KCNC2: variants seen among roughly 807,000 people sequenced by gnomAD.
KCNC2 encodes voltage-gated potassium channel KCNC2.
In KCNC2, 21 loss-of-function variants were observed where a neutral mutation model predicts 44.5. The ratio of observed to expected loss-of-function variants is 0.47; its 90% CI spans 0.33 to 0.68. The LOEUF (loss-of-function observed/expected upper bound fraction) is 0.68. Ranked by LOEUF, KCNC2 falls within the 30% of genes least tolerant of loss-of-function variation. KCNC2 has a pLI of 0.01. For missense variants in KCNC2, 589 were observed against 826.2 expected, an observed-to-expected ratio of 0.71 and a Z score of 3.52; for synonymous variants, 391 against 339.1, an observed-to-expected ratio of 1.15 and a Z score of -1.68.
chr12:75,091,567 G>A (rs1885478362), intron 2 of KCNC2, among the ~76,000 whole-genome samples: 1 of 151,706 alleles, frequency 6.6e-6, no homozygotes, highest in Admixed American at 6.6e-5. Context: ...AACCTAGCGG[G>A]AAAGTTGGGT....
intron 2 of KCNC2, among the ~76,000 whole-genome samples, chr12:75,192,659 G>T (rs1331455335): frequency 6.6e-6 from 1 of 152,192 alleles, no homozygotes; most frequent in African/African-American, 2.4e-5. Context: ...TTCTCAGTAG[G>T]ATTGTGTATG....
intron 2 of KCNC2, among the ~76,000 whole-genome samples, chr12:75,073,281 C>G (rs1272003005): frequency 6.6e-6 from 1 of 152,062 alleles, no homozygotes; most frequent in Non-Finnish European, 1.5e-5. Context: ...ACTTAATTCT[C>G]AAATAACTTA....
chr12:75,132,083 A>C (rs1374724728), intron 2 of KCNC2, among the ~76,000 whole-genome samples: 1 of 152,170 alleles, frequency 6.6e-6, no homozygotes, highest in Non-Finnish European at 1.5e-5. Context: ...TATAATGTTG[A>C]GAAAGTCAAG....
chr12:75,188,144 T>A (rs916216365), intron 2 of KCNC2, among the ~76,000 whole-genome samples: 1 of 152,220 alleles, frequency 6.6e-6, no homozygotes, highest in Non-Finnish European at 1.5e-5. Flanking sequence ...CCCAGCCATG[T>A]CTGTTTTGTT....
chr12:75,111,800 C>T lies in KCNC2; in HGVS notation c.688-60483G>A, dbSNP rs560680364. 1.3e-5 allele frequency among the ~76,000 whole-genome samples: 2 copies of T among 152,196 alleles called. 1 individual carries two copies. The highest frequency in any genetic ancestry group is 4.1e-4 in the South Asian group (2 of 4,822). ...GAATACATGCACACTAAGATATTAT[C>T]TTCCTTTATGAACACAGAGAATTAC... On this transcript the variant is annotated intron_variant, in intron 2 of 4. Coordinates refer to ENST00000549446, the MANE Select transcript of KCNC2 (RefSeq NM_139137.4).
At chr12:75,183,017 C>G (rs1210772203) in intron 2 of KCNC2, among the ~76,000 whole-genome samples, 1 of 152,200 alleles carries the variant, frequency 6.6e-6, no homozygotes, top group African/African-American at 2.4e-5. Flanking sequence ...GAATACATGG[C>G]CATCCGGCCC....
intron 2 of KCNC2, among the ~76,000 whole-genome samples, chr12:75,052,393 T>TG (rs1470650119): frequency 2.6e-5 from 4 of 152,146 alleles, no homozygotes; most frequent in Non-Finnish European, 4.4e-5. Context: ...TTATTTATGC[T>TG]GGGATCACAT....
At position 75,041,857 on chromosome 12, in the gene KCNC2, G is replaced by T. The variant is rs535701848; in HGVS notation, c.*1248C>A. 1.1e-4 allele frequency: 109 copies of T among 989,058 alleles called. No homozygotes were observed. The highest frequency in any genetic ancestry group is 1.2e-4 in the Non-Finnish European group (104 of 832,548). 61.3% of individuals were successfully genotyped at this position (989,058 alleles called of 1,614,324 possible). On this transcript the variant is annotated 3_prime_UTR_variant, in exon 5 of 5. Transcript: ENST00000549446. ...AGGCTGCTCCAAATAGCAAAAAATG[G>T]TATGGAGTCGGGTTTGGAGGGAGTA...
At chr12:75,174,678 C>T (rs1892061962) in intron 2 of KCNC2, among the ~76,000 whole-genome samples, 1 of 151,864 alleles carries the variant, frequency 6.6e-6, no homozygotes, top group Non-Finnish European at 1.5e-5. Context: ...TCCCCAACTA[C>T]TGGTACTTAT....
At chr12:75,180,462 CA>C (rs1892500810) in intron 2 of KCNC2, among the ~76,000 whole-genome samples, 1 of 151,660 alleles carries the variant, frequency 6.6e-6, no homozygotes, top group South Asian at 2.1e-4. Flanking sequence ...CTTTTAGTTC[CA>C]ATCAAGTTTT....
At chr12:75,084,955 A>G (rs1884871033) in intron 2 of KCNC2, among the ~76,000 whole-genome samples, 1 of 150,802 alleles carries the variant, frequency 6.6e-6, no homozygotes, top group Non-Finnish European at 1.5e-5. Context: ...ATTATAATCC[A>G]TCTATCTATC....
intron 2 of KCNC2, among the ~76,000 whole-genome samples, chr12:75,193,041 C>T (rs2030436045): frequency 6.6e-6 from 1 of 151,778 alleles, no homozygotes; most frequent in Admixed American, 6.6e-5. Flanking sequence ...TTTTTTAAAA[C>T]CTAGTGAGAA....
chr12:75,043,398 A>T (rs1175301990), intron 4 of KCNC2, 157 bp from the exon 5 acceptor site: 2 of 1,395,704 alleles, frequency 1.4e-6, no homozygotes, highest in African/African-American at 1.5e-5. Flanking sequence ...CTCTAAAAAA[A>T]TGAAGCTCAC....
intron 2 of KCNC2, among the ~76,000 whole-genome samples, chr12:75,201,255 G>T (rs1016283207): frequency 7.1e-5 from 2 of 28,034 alleles, no homozygotes; most frequent in Non-Finnish European, 1.4e-4. Context: ...AGTTACAAAC[G>T]AAATTGGAAA....
rs558219767 is a variant in KCNC2 at position 75,207,007 on chromosome 12, T to A, written c.687+290A>T. 6.6e-6 allele frequency among the ~76,000 whole-genome samples: 1 copy of A among 152,000 alleles called. No homozygotes were observed. The highest frequency in any genetic ancestry group is 2.4e-5 in the African/African-American group (1 of 41,350). Reference sequence around the variant, plus strand: ...TCCTCATACCCGTTTCAGGACAGGGTCCAAAGACGTGCACAGAAAAGTCGA... The same window carrying A: ...TCCTCATACCCGTTTCAGGACAGGGACCAAAGACGTGCACAGAAAAGTCGA... On this transcript the variant is annotated intron_variant, in intron 2 of 4. Transcript: ENST00000549446. The surrounding 1 kb of genome is among the most constrained non-coding windows in gnomAD (Gnocchi z 4.1).
rs61089425 is a variant in KCNC2 at position 75,181,916 on chromosome 12, CTTTTTTTTTTTTTTTTTTTTT to C, written c.687+25360_687+25380del. Reference sequence around the variant, plus strand: ...AAACATTATTACTATTAATATCTTCCTTTTTTTTTTTTTTTTTTTTTTTTTTTTTTTTTTTTTTGTAGAGAC... The same window carrying C: ...AAACATTATTACTATTAATATCTTCCTTTTTTTTTTTTTTTTTGTAGAGAC... On this transcript the variant is annotated intron_variant, in intron 2 of 4. Transcript: ENST00000549446. Among the ~76,000 whole-genome samples, 63 of 47,880 alleles carry C rather than the reference CTTTTTTTTTTTTTTTTTTTTT, an allele frequency of 1.3e-3. No homozygotes were observed. The South Asian group carries it at 0.016, about 12-fold the overall frequency. The allele number at this position is 47,880 out of a possible 152,430, so 31.4% of individuals were successfully genotyped here.
At chr12:75,074,469 C>A (rs1883730089) in intron 2 of KCNC2, among the ~76,000 whole-genome samples, 1 of 152,024 alleles carries the variant, frequency 6.6e-6, no homozygotes, top group African/African-American at 2.4e-5. Flanking sequence ...ATTCTACTTT[C>A]CTTGCCCTTT....
chr12:75,138,241 A>G (rs1424403084), intron 2 of KCNC2, among the ~76,000 whole-genome samples: 1 of 152,190 alleles, frequency 6.6e-6, no homozygotes, highest in Non-Finnish European at 1.5e-5. Flanking sequence ...TGTAAACAGA[A>G]CCATTTGCTC....
At chr12:75,149,179 G>T (rs899808425) in intron 2 of KCNC2, among the ~76,000 whole-genome samples, 2 of 151,644 alleles carry the variant, frequency 1.3e-5, no homozygotes, top group Non-Finnish European at 3.0e-5. Context: ...GTTTGGAAAA[G>T]TTGGAGGAAC....
Sources: allele counts gnomAD v4.1 joint callset (sites outside exome capture counted in the v4.1 genomes callset), GRCh38; gene constraint gnomAD v4.1.1; non-coding constraint Gnocchi (gnomAD v3.1); transcripts MANE v1.5; gene names NCBI Gene and HGNC (gene_info 2026-07-23, HGNC 2026-07-21).